KCNQ5: variants seen among roughly 807,000 people sequenced by gnomAD.
KCNQ5 encodes potassium voltage-gated channel subfamily KQT member 5.
In KCNQ5, 30 loss-of-function variants were observed where a neutral mutation model predicts 98.2. That is an observed-to-expected ratio of 0.31 (90% CI 0.23 to 0.41). The LOEUF (loss-of-function observed/expected upper bound fraction) is 0.41. Ranked by LOEUF, KCNQ5 falls within the 10% of genes least tolerant of loss-of-function variation. The pLI is 1.00. For missense variants in KCNQ5, 835 were observed against 1,182.5 expected, an observed-to-expected ratio of 0.71 and a Z score of 4.31; for synonymous variants, 458 against 449.4, an observed-to-expected ratio of 1.02 and a Z score of -0.24.
intron 1 of KCNQ5, among the ~76,000 whole-genome samples, chr6:72,809,988 T>G (rs1362105521): frequency 6.6e-6 from 1 of 152,194 alleles, no homozygotes; most frequent in East Asian, 1.9e-4. Flanking sequence ...TGACTTTTAA[T>G]GGGCCCTGAA....
At chr6:72,686,633 A>T (rs1767963247) in intron 1 of KCNQ5, among the ~76,000 whole-genome samples, 1 of 151,094 alleles carries the variant, frequency 6.6e-6, no homozygotes, top group Non-Finnish European at 1.5e-5. Flanking sequence ...ATAACTTTTT[A>T]AAAATTTGTC....
intron 1 of KCNQ5, among the ~76,000 whole-genome samples, chr6:72,783,116 G>A (rs1177161228): frequency 6.6e-6 from 1 of 152,132 alleles, no homozygotes; most frequent in Non-Finnish European, 1.5e-5. Flanking sequence ...CAGAGGTTGG[G>A]CACAAAACAG....
chr6:73,175,393 G>GC (rs138525460), intron 11 of KCNQ5, among the ~76,000 whole-genome samples: 3,196 of 151,532 alleles, frequency 0.021, 153 homozygotes, highest in Admixed American at 0.11. Context: ...CAGGTGATCT[G>GC]CCCCCCCCTT....
intron 1 of KCNQ5, among the ~76,000 whole-genome samples, chr6:72,737,311 A>G (rs1407158026): frequency 1.3e-5 from 2 of 152,182 alleles, no homozygotes; most frequent in Non-Finnish European, 2.9e-5. Flanking sequence ...CATATATATT[A>G]TTTAATGTTA....
At chr6:73,040,398 T>A (rs1318201449) in intron 2 of KCNQ5, among the ~76,000 whole-genome samples, 1 of 152,170 alleles carries the variant, frequency 6.6e-6, no homozygotes, top group Non-Finnish European at 1.5e-5. Context: ...CACAACTACA[T>A]GGGCATTTTG....
intron 7 of KCNQ5, among the ~76,000 whole-genome samples, chr6:73,119,908 C>T (rs2150438172): frequency 6.6e-6 from 1 of 152,138 alleles, no homozygotes; most frequent in East Asian, 1.9e-4. Context: ...TTATATTGCA[C>T]TTTTTGGGCC....
intron 1 of KCNQ5, among the ~76,000 whole-genome samples, chr6:73,000,838 C>G (rs956787193): frequency 5.9e-5 from 9 of 152,180 alleles, no homozygotes; most frequent in African/African-American, 2.2e-4. Flanking sequence ...ACTCTGATGA[C>G]CCTTTTATCC....
chr6:73,103,894 T>A (rs1774897733), intron 5 of KCNQ5, among the ~76,000 whole-genome samples: 1 of 152,180 alleles, frequency 6.6e-6, no homozygotes, highest in South Asian at 2.1e-4. Flanking sequence ...GGATAAATGC[T>A]TGAGGTGATG....
chr6:72,962,941 A>G (rs1040766689), intron 1 of KCNQ5, among the ~76,000 whole-genome samples: 2 of 152,182 alleles, frequency 1.3e-5, no homozygotes, highest in African/African-American at 2.4e-5. Context: ...TTGATTCTTT[A>G]TTTCCTCTAA....
In KCNQ5 at chr6:72,622,544, C is replaced by T. The variant is rs200515936; in HGVS notation, c.355C>T (p.Leu119=). The T allele has an allele frequency of 6.5e-5, 104 of 1,612,204 alleles. 1 individual carries two copies. Among genetic ancestry groups the T allele is most frequent in the Admixed American group, 1.5e-4 (9 of 59,934 alleles). The part of the protein sequence containing the change: ...RRVQNYLYNV[L]ERPRGWAFIY... ...GGTGCAGAACTACCTGTACAACGTGCTGGAGAGACCCCGCGGCTGGGCGTT... is the reference window on the plus strand; with the variant it reads ...GGTGCAGAACTACCTGTACAACGTGTTGGAGAGACCCCGCGGCTGGGCGTT... Residue 119 remains leucine (L), a synonymous_variant, in exon 1 of 14, where the codon CTG becomes TTG. Coordinates refer to ENST00000370398, the MANE Select transcript of KCNQ5 (RefSeq NM_019842.4). This position sits in a 1 kb window ranked among gnomAD's most constrained non-coding sequence, Gnocchi z 6.0.
intron 10 of KCNQ5, among the ~76,000 whole-genome samples, chr6:73,156,363 G>A (rs1201786208): frequency 6.6e-6 from 1 of 152,246 alleles, no homozygotes; most frequent in African/African-American, 2.4e-5. Flanking sequence ...GTTGGGCGCA[G>A]TGACTCATGC....
chr6:72,632,148 T>C (rs1280963648), intron 1 of KCNQ5, among the ~76,000 whole-genome samples: 1 of 149,094 alleles, frequency 6.7e-6, no homozygotes, highest in African/African-American at 2.5e-5. Context: ...CTTTTTTTTT[T>C]TTTTTTTGAG....
At chr6:73,111,998 G>A (rs947579831) in intron 7 of KCNQ5, among the ~76,000 whole-genome samples, 8 of 152,102 alleles carry the variant, frequency 5.3e-5, no homozygotes, top group African/African-American at 1.7e-4. Context: ...TAATACATAG[G>A]TTGTTATTTA....
At chr6:73,187,757 G>T (rs1279260653) in intron 11 of KCNQ5, among the ~76,000 whole-genome samples, 2 of 152,174 alleles carry the variant, frequency 1.3e-5, no homozygotes, top group Non-Finnish European at 2.9e-5. Flanking sequence ...AATTATGTAA[G>T]TAAAAATGAA....
chr6:72,960,850 G>A (rs546807523), intron 1 of KCNQ5, among the ~76,000 whole-genome samples: 2 of 152,358 alleles, frequency 1.3e-5, no homozygotes, highest in Non-Finnish European at 2.9e-5. Context: ...TGAGTAGCTG[G>A]AACTACAGGT....
chr6:73,018,284 C>T (rs6920341), intron 2 of KCNQ5, among the ~76,000 whole-genome samples: 12,827 of 152,022 alleles, frequency 0.084, 1,791 homozygotes, highest in African/African-American at 0.29. Flanking sequence ...TAGCCTACAG[C>T]GGTGGAGAAT....
intron 1 of KCNQ5, among the ~76,000 whole-genome samples, chr6:72,745,902 C>G (rs1771373911): frequency 6.6e-6 from 1 of 152,038 alleles, no homozygotes; most frequent in Non-Finnish European, 1.5e-5. Context: ...CCGCCTCACT[C>G]CGGTCTCTGC....
intron 3 of KCNQ5, among the ~76,000 whole-genome samples, chr6:73,062,715 G>A (rs1187993110): frequency 6.6e-6 from 1 of 152,104 alleles, no homozygotes; most frequent in South Asian, 2.1e-4. Context: ...TTGGTCATGG[G>A]AACATGATTA....
intron 1 of KCNQ5, among the ~76,000 whole-genome samples, chr6:72,728,065 C>G (rs1331630281): frequency 6.6e-6 from 1 of 152,120 alleles, no homozygotes; most frequent in Non-Finnish European, 1.5e-5. Flanking sequence ...CAGCAAAAGT[C>G]ACATGGCCAA....
Sources: allele counts gnomAD v4.1 joint callset (sites outside exome capture counted in the v4.1 genomes callset), GRCh38; gene constraint gnomAD v4.1.1; non-coding constraint Gnocchi (gnomAD v3.1); transcripts MANE v1.5; gene names NCBI Gene and HGNC (gene_info 2026-07-23, HGNC 2026-07-21).